Variants in CACNB2 observed in about 807,000 individuals in gnomAD.
The protein encoded by CACNB2 is calcium voltage-gated channel auxiliary subunit beta 2.
CACNB2 carries 42 observed loss-of-function variants against 73.3 expected under a neutral mutation model. That is an observed-to-expected ratio of 0.57 (90% confidence interval 0.45 to 0.74). The LOEUF (loss-of-function observed/expected upper bound fraction) is 0.74, where lower values mean the gene tolerates loss of function less well. Among genes scored for constraint, CACNB2 ranks in the 30% least tolerant of loss-of-function variants. The pLI is 0.00. For synonymous variants in CACNB2, 348 were observed against 310.3 expected (o/e 1.12, Z -1.28); for missense variants, 940 against 853.0 (o/e 1.10, Z -1.27).
intron 2 of CACNB2, among the ~76,000 whole-genome samples, chr10:18,322,480 A>G (rs1394481549): frequency 6.6e-6 from 1 of 152,202 alleles, no homozygotes; most frequent in East Asian, 1.9e-4. Context: ...GTTGTCCTAC[A>G]AAACATCCCA....
At chr10:18,175,582 G>A (rs889239261) in intron 2 of CACNB2, among the ~76,000 whole-genome samples, 10 of 151,990 alleles carry the variant, frequency 6.6e-5, no homozygotes, top group African/African-American at 1.4e-4. Context: ...CCAGTCTTCC[G>A]GCTTCTTGAT....
chr10:18,257,940 C>T (rs182817276), intron 2 of CACNB2, among the ~76,000 whole-genome samples: 8 of 152,294 alleles, frequency 5.3e-5, no homozygotes, highest in Admixed American at 3.3e-4. Context: ...GACGAGGTTT[C>T]GTCATGTTGG....
At chr10:18,527,909 A>G (rs1193183819) in intron 10 of CACNB2, among the ~76,000 whole-genome samples, 1 of 152,208 alleles carries the variant, frequency 6.6e-6, no homozygotes, top group Non-Finnish European at 1.5e-5. Context: ...GGCTGTCAGC[A>G]TTAATGTTTT....
intron 2 of CACNB2, among the ~76,000 whole-genome samples, chr10:18,281,622 T>C (rs1368399057): frequency 6.6e-6 from 1 of 152,058 alleles, no homozygotes; most frequent in Non-Finnish European, 1.5e-5. Context: ...ATAACAGACC[T>C]CTTTCCCAAA....
At chr10:18,329,440 A>C (rs2040711151) in intron 2 of CACNB2, among the ~76,000 whole-genome samples, 1 of 150,664 alleles carries the variant, frequency 6.6e-6, no homozygotes, top group Non-Finnish European at 1.5e-5. Context: ...GTTTTTTATA[A>C]TGTGGCTGTG....
In CACNB2 at chr10:18,534,216, T is replaced by C; in HGVS notation, c.1195T>C (p.Ser399Pro). The change falls in exon 11 of 14, where the codon TCT becomes CCT. Residue 399 changes from serine to proline, a missense_variant. By Grantham distance (74) the Ser-to-Pro change is moderately conservative. Coordinates refer to ENST00000324631, the MANE Select transcript of CACNB2 (RefSeq NM_201596.3). Reference protein sequence around the residue: ...LAPIIVYVKISSPKVLQRLIK... With the variant: ...LAPIIVYVKIPSPKVLQRLIK... ...CCCTATTATAGTATATGTAAAGATT[T>C]CTTCTCCTAAGGTAAGTAGGACTGC... 6.2e-7 allele frequency: 1 copy of C among 1,613,198 alleles called. No individual in the cohort carries two copies. Among genetic ancestry groups the C allele is most frequent in the African/African-American group, 1.3e-5 (1 of 75,034 alleles).
intron 2 of CACNB2, among the ~76,000 whole-genome samples, chr10:18,323,061 C>T (rs1283698625): frequency 6.1e-5 from 9 of 147,182 alleles, no homozygotes; most frequent in Non-Finnish European, 1.0e-4. Context: ...CTCCTGGGTT[C>T]AAGCAGTCTC....
In CACNB2 at chr10:18,428,683, CAAAAAAAAAA is replaced by C. The variant is rs10525913; in HGVS notation, c.333+26654_333+26663del. 2.0e-3 allele frequency among the ~76,000 whole-genome samples: 290 copies of C among 143,084 alleles called. 1 individual carries two copies. Among genetic ancestry groups the C allele is most frequent in the African/African-American group, 3.7e-3 (146 of 39,474 alleles). The allele number at this position is 143,084 out of a possible 152,430, so 93.9% of individuals were successfully genotyped here. On this transcript the variant is annotated intron_variant, in intron 3 of 13. Coordinates refer to ENST00000324631, the MANE Select transcript of CACNB2 (RefSeq NM_201596.3). ...CTTGGGTGACAAAGCGAGACACTGT[CAAAAAAAAAA>C]AAAAAAAAAAAAAGGAATGATTTTA...
At chr10:18,536,396 C>CTATAGGT (rs1305920929) in intron 12 of CACNB2, among the ~76,000 whole-genome samples, 200 bp downstream of exon 12, 1 of 151,376 alleles carries the variant, frequency 6.6e-6, no homozygotes, top group Non-Finnish European at 1.5e-5. Flanking sequence ...GCAGCTGAGA[C>CTATAGGT]TATAGGTGCA....
At chr10:18,468,427 T>G (rs931035092) in intron 3 of CACNB2, among the ~76,000 whole-genome samples, 1 of 151,816 alleles carries the variant, frequency 6.6e-6, no homozygotes, top group Non-Finnish European at 1.5e-5. Context: ...CACCACTGCA[T>G]TCCAGCCTGG....
At chr10:18,362,636 T>C (rs1564469745) in intron 2 of CACNB2, among the ~76,000 whole-genome samples, 1 of 152,196 alleles carries the variant, frequency 6.6e-6, no homozygotes, top group Non-Finnish European at 1.5e-5. Context: ...ATAACAAATA[T>C]TGCCATAGAA....
At chr10:18,479,981 T>C (rs994082635) in intron 3 of CACNB2, among the ~76,000 whole-genome samples, 4 of 152,212 alleles carry the variant, frequency 2.6e-5, no homozygotes, top group Non-Finnish European at 5.9e-5. Context: ...TCATAGGCTG[T>C]ATTCATTCAG....
chr10:18,159,934 TG>T (rs1564304481), intron 2 of CACNB2, among the ~76,000 whole-genome samples: 1 of 152,198 alleles, frequency 6.6e-6, no homozygotes, highest in East Asian at 1.9e-4. Context: ...TTAGATTTTG[TG>T]AATGGCAGAG....
intron 2 of CACNB2, among the ~76,000 whole-genome samples, chr10:18,170,884 G>A (rs900359061): frequency 6.6e-6 from 1 of 152,052 alleles, no homozygotes; most frequent in African/African-American, 2.4e-5. Context: ...ACTAATTGGG[G>A]GAAATTAACA....
intron 2 of CACNB2, among the ~76,000 whole-genome samples, chr10:18,255,368 C>G (rs2037241232): frequency 6.6e-6 from 1 of 152,174 alleles, no homozygotes; most frequent in Non-Finnish European, 1.5e-5. Context: ...TAGCAGTGCC[C>G]CAGAGACACC....
intron 3 of CACNB2, among the ~76,000 whole-genome samples, chr10:18,483,297 G>A (rs1223770495): frequency 6.6e-6 from 1 of 151,772 alleles, no homozygotes; most frequent in Non-Finnish European, 1.5e-5. Flanking sequence ...TTGGGAGGCC[G>A]AGGCCGGTGG....
intron 4 of CACNB2, among the ~76,000 whole-genome samples, chr10:18,499,637 A>AAAAG (rs1554831784): frequency 0.045 from 4,164 of 92,484 alleles, 545 homozygotes; most frequent in African/African-American, 0.081. Context: ...AAAAAAAAAA[A>AAAAG]AAGAACCTAG....
intron 2 of CACNB2, among the ~76,000 whole-genome samples, chr10:18,159,594 C>T (rs1047218484): frequency 2.6e-5 from 4 of 152,120 alleles, no homozygotes; most frequent in Non-Finnish European, 5.9e-5. Flanking sequence ...CAAATTCCGT[C>T]GTCTCTCAGT....
chr10:18,289,987 T>G (rs139506845), intron 2 of CACNB2, among the ~76,000 whole-genome samples: 1 of 152,084 alleles, frequency 6.6e-6, no homozygotes, highest in African/African-American at 2.4e-5. Flanking sequence ...CCAGATGCCA[T>G]TTGATTTCAG....
Sources: gnomAD v4.1 joint callset for allele counts (sites outside exome capture counted in the v4.1 genomes callset) on GRCh38, gnomAD v4.1.1 for gene constraint, MANE v1.5 for transcripts, NCBI Gene and HGNC (gene_info 2026-07-23, HGNC 2026-07-21) for gene names.